The following MPRIP variants were observed in gnomAD, a reference collection of about 807,000 sequenced individuals.
The protein encoded by MPRIP is myosin phosphatase Rho-interacting protein.
MPRIP carries 59 observed loss-of-function variants against 234.9 expected under a neutral mutation model. The ratio of observed to expected loss-of-function variants is 0.25; its 90% CI spans 0.20 to 0.31. MPRIP has a LOEUF of 0.31. Ranked by LOEUF, MPRIP falls within the 10% of genes least tolerant of loss-of-function variation. MPRIP has a pLI of 1.00. For synonymous variants in MPRIP, 1,144 were observed against 1,263.9 expected (o/e 0.91, Z 2.01); for missense variants, 2,436 against 3,071.0 (o/e 0.79, Z 4.89).
chr17:17,051,043 G>A (rs1597715518), intron 1 of MPRIP, among the ~76,000 whole-genome samples: 1 of 152,224 alleles, frequency 6.6e-6, no homozygotes, highest in South Asian at 2.1e-4. Context: ...ACCCAGGAAG[G>A]TGACTTATGT....
At chr17:17,064,765 G>T (rs1597737304) in intron 1 of MPRIP, among the ~76,000 whole-genome samples, 1 of 152,176 alleles carries the variant, frequency 6.6e-6, no homozygotes, top group Non-Finnish European at 1.5e-5. Flanking sequence ...GGTAAGAGGG[G>T]ACACCTAGGC....
Position 17,177,170 on chromosome 17 carries a change from G to T in MPRIP, c.6958-80G>T, listed in dbSNP as rs141173993. The T allele has an allele frequency of 4.3e-6, 6 of 1,405,392 alleles. No individual in the cohort carries two copies. In the East Asian group the frequency reaches 1.4e-4, roughly 32 times the overall value. 87.1% of individuals were successfully genotyped at this position (1,405,392 alleles called of 1,614,324 possible). A position where few individuals can be genotyped will look rare whatever the true frequency, so the allele number is the denominator to read the frequency against. ...ACAGCAAGCCTCCCTACCGTGTTCA[G>T]TCCCCAGGAAGACAGGCCATGTTGT... On this transcript the variant is annotated intron_variant, in intron 21 of 23. Coordinates refer to ENST00000651222, the MANE Select transcript of MPRIP (RefSeq NM_001364716.4).
In MPRIP at chr17:17,138,368, A is replaced by G; in HGVS notation, c.1189A>G (p.Arg397Gly). The G allele has an allele frequency of 3.0e-6, 1 of 337,578 alleles. No individual in the cohort carries two copies. Among genetic ancestry groups the G allele is most frequent in the East Asian group, 5.4e-5 (1 of 18,522 alleles). The allele number at this position is 337,578 out of a possible 1,614,324, so 20.9% of individuals were successfully genotyped here. A position where few individuals can be genotyped will look rare whatever the true frequency, so the allele number is the denominator to read the frequency against. Residue 397 changes from arginine (R) to glycine (G), a missense_variant, in exon 7 of 24, where the codon AGA (arginine) becomes GGA (glycine). Coordinates refer to ENST00000651222, the MANE Select transcript of MPRIP (RefSeq NM_001364716.4). This position sits in a 1 kb window ranked among gnomAD's most constrained non-coding sequence, Gnocchi z 5.8. ...GGTGGAGAGAAGGCGGCTGGAGCGT[A>G]GAACTCGGGCCCGGAGCCCTGGCAG... ...FQVERRRLER[R>G]TRARSPGREE...
At chr17:17,064,052 A>G (rs1331029349) in intron 1 of MPRIP, among the ~76,000 whole-genome samples, 1 of 152,152 alleles carries the variant, frequency 6.6e-6, no homozygotes, top group African/African-American at 2.4e-5. Context: ...CCAGGGAAGT[A>G]GTTGGAGAGG....
chr17:17,080,615 G>C (rs956342749), intron 3 of MPRIP, among the ~76,000 whole-genome samples: 1 of 152,212 alleles, frequency 6.6e-6, no homozygotes, highest in African/African-American at 2.4e-5. Context: ...GGCATCTAGT[G>C]GGTGGAGGCC....
At position 17,171,828 on chromosome 17, in the gene MPRIP, C is replaced by A. The variant is rs779653546; in HGVS notation, c.6435C>A (p.Asp2145Glu). The change falls in exon 17 of 24, where the codon GAC (aspartate) becomes GAA (glutamate). Residue 2145 changes from aspartate (D) to glutamate (E), a missense_variant. Transcript: ENST00000651222. ...TAGAGAAACTTCGAGAAGAGAAAGA[C>A]CGCCTCCTAGCCGAGGAGACAGCGG... is the stretch of plus-strand genomic sequence containing the variant. ...RELEKLREEK[D>E]RLLAEETAAT... The A allele has an allele frequency of 1.2e-6, 2 of 1,613,518 alleles. No individual in the cohort carries two copies. Among genetic ancestry groups the A allele is most frequent in the South Asian group, 2.2e-5 (2 of 91,074 alleles).
In MPRIP at chr17:17,184,857, T is replaced by C; in HGVS notation, c.7241T>C (p.Leu2414Ser). 1 of 1,613,126 alleles carries C rather than the reference T, an allele frequency of 6.2e-7. No homozygotes were observed. Among genetic ancestry groups the C allele is most frequent in the Non-Finnish European group, 8.5e-7 (1 of 1,179,550 alleles). ...LKEGLTVQER[L>S]KLFESRDLKK... ...GAAGGCCTGACGGTGCAAGAACGGT[T>C]GAAGCTCTTTGAATCCAGGGACTTG... The change falls in exon 24 of 24, where the codon TTG becomes TCG. Residue 2414 changes from leucine to serine, a missense_variant. By Grantham distance (145) the Leu-to-Ser change is moderately radical. Transcript: ENST00000651222.
chr17:17,058,354 C>G (rs2088768300), intron 1 of MPRIP, among the ~76,000 whole-genome samples: 1 of 150,856 alleles, frequency 6.6e-6, no homozygotes. Context: ...GGGAGGAGAG[C>G]TCCAGGACTA....
At chr17:17,086,534 G>A (rs12451054) in intron 3 of MPRIP, among the ~76,000 whole-genome samples, 12,337 of 152,198 alleles carry the variant, frequency 0.081, 705 homozygotes, top group East Asian at 0.16. Flanking sequence ...ATAATAAGTG[G>A]GGCAGGGAGG....
rs189301124 is a variant in MPRIP at position 17,155,361 on chromosome 17, T to C, written c.1829+946T>C. Among the ~76,000 whole-genome samples the C allele has an allele frequency of 1.6e-4, 25 of 152,258 alleles. 1 individual carries two copies. In the East Asian group the frequency reaches 3.3e-3, roughly 20 times the overall value. ...TCCACCTCGTGGGTTCAAGCAGTTC[T>C]CCTGCCTCAGCCTCCCAAGTAGCTG... On this transcript the variant is annotated intron_variant, in intron 13 of 23. Transcript: ENST00000651222.
intron 1 of MPRIP, among the ~76,000 whole-genome samples, chr17:17,062,790 A>C (rs550122945): frequency 6.6e-6 from 1 of 152,328 alleles, no homozygotes; most frequent in South Asian, 2.1e-4. Flanking sequence ...AGCTCTTCCC[A>C]CATCAGGAAT....
chr17:17,176,805 T>C (rs1357432864), intron 21 of MPRIP, among the ~76,000 whole-genome samples: 1 of 152,210 alleles, frequency 6.6e-6, no homozygotes, highest in African/African-American at 2.4e-5. Flanking sequence ...AGGCAAGGCT[T>C]GACTTCCATT....
intron 10 of MPRIP, among the ~76,000 whole-genome samples, chr17:17,146,896 G>C (rs1343706717): frequency 6.6e-6 from 1 of 152,262 alleles, no homozygotes; most frequent in Non-Finnish European, 1.5e-5. Flanking sequence ...TGCTGGTTAG[G>C]AGGCCACATG....
At chr17:17,183,608 A>G (rs1273215972) in intron 23 of MPRIP, among the ~76,000 whole-genome samples, 1 of 152,232 alleles carries the variant, frequency 6.6e-6, no homozygotes, top group Non-Finnish European at 1.5e-5. Flanking sequence ...GCTCCAGAAT[A>G]TAGCAAACAA....
chr17:17,143,381 G>A (rs1270894365), intron 8 of MPRIP, among the ~76,000 whole-genome samples, 175 bp from the exon 9 acceptor site: 2 of 152,182 alleles, frequency 1.3e-5, no homozygotes, highest in African/African-American at 4.8e-5. Context: ...GGCATCTCAG[G>A]ACCCGGGTCC....
intron 1 of MPRIP, among the ~76,000 whole-genome samples, chr17:17,049,811 C>T (rs2088475470): frequency 6.6e-6 from 1 of 152,216 alleles, no homozygotes; most frequent in South Asian, 2.1e-4. Context: ...CACAGTGTGC[C>T]ACCCCTCAGA....
At chr17:17,159,967 GAAATA>G (rs1190548289) in intron 14 of MPRIP, among the ~76,000 whole-genome samples, 3 of 152,200 alleles carry the variant, frequency 2.0e-5, no homozygotes, top group Non-Finnish European at 4.4e-5. Flanking sequence ...AAGGCAAGAT[GAAATA>G]AAATAACAGT....
At chr17:17,103,801 A>G (rs1002433445) in intron 3 of MPRIP, among the ~76,000 whole-genome samples, 4 of 152,348 alleles carry the variant, frequency 2.6e-5, no homozygotes, top group Middle Eastern at 6.8e-3. Context: ...CCTGCCTCAG[A>G]TGATGGCCCT....
At chr17:17,161,737 AT>A (rs1347697296) in intron 15 of MPRIP, among the ~76,000 whole-genome samples, 1 of 152,198 alleles carries the variant, frequency 6.6e-6, no homozygotes, top group Non-Finnish European at 1.5e-5. Context: ...TATTGTACAG[AT>A]TGAAGACATT....
Sources: gnomAD v4.1 joint callset for allele counts (sites outside exome capture counted in the v4.1 genomes callset) on GRCh38, gnomAD v4.1.1 for gene constraint, Gnocchi (gnomAD v3.1) non-coding constraint, MANE v1.5 for transcripts, NCBI Gene and HGNC (gene_info 2026-07-23, HGNC 2026-07-21) for gene names.